Variants in COL4A3 observed in about 807,000 individuals in gnomAD.
COL4A3 encodes the protein collagen type IV alpha 3 chain, also known as collagen alpha-3(IV) chain.
A neutral mutation model predicts 217.4 loss-of-function variants in COL4A3; 135 were observed. The ratio of observed to expected loss-of-function variants is 0.62; its 90% CI spans 0.54 to 0.72. The LOEUF is 0.72. COL4A3 is among the 30% of genes least tolerant of loss of function. COL4A3 has a pLI of 0.00. For synonymous variants in COL4A3, 690 were observed against 736.3 expected (o/e 0.94, Z 1.02); for missense variants, 1,868 against 2,119.9 (o/e 0.88, Z 2.33).
At chr2:227,173,893 A>C (rs992096920) in intron 1 of COL4A3, among the ~76,000 whole-genome samples, 2 of 152,224 alleles carry the variant, frequency 1.3e-5, no homozygotes, top group African/African-American at 2.4e-5. Context: ...ATTTTCAAGC[A>C]TCTATAGCCA....
chr2:227,221,113 G>T (rs1244269521), intron 1 of COL4A3: 2 of 152,156 alleles, frequency 1.3e-5, no homozygotes, highest in East Asian at 3.9e-4. Flanking sequence ...GTTTTACCTT[G>T]TCCAGCACAA....
In COL4A3 at chr2:227,253,486, A is replaced by AC. The variant is rs769180372; in HGVS notation, c.688-73dup. On this transcript the variant is annotated intron_variant, in intron 12 of 51. Transcript: ENST00000396578. This position sits in a 1 kb window ranked among gnomAD's most constrained non-coding sequence, Gnocchi z 4.4. ...TATAAGCACTAAAGGGGAAAAGTAG[A>AC]CCTTTCAAACGTAGTAACATTGAAA... The AC allele has an allele frequency of 4.2e-5, 60 of 1,432,312 alleles. No individual in the cohort carries two copies. Among genetic ancestry groups the AC allele is most frequent in the Non-Finnish European group, 5.6e-5 (57 of 1,014,394 alleles). The allele number at this position is 1,432,312 out of a possible 1,614,324, so 88.7% of individuals were successfully genotyped here.
chr2:227,213,906 A>AG (rs1464950674), intron 1 of COL4A3, among the ~76,000 whole-genome samples: 1 of 140,428 alleles, frequency 7.1e-6, no homozygotes, highest in Non-Finnish European at 1.5e-5. Context: ...TGTCTCAAAA[A>AG]AAAAAAAAAA....
intron 44 of COL4A3, 124 bp downstream of exon 44, chr2:227,303,234 G>A: frequency 1.3e-6 from 1 of 777,796 alleles, no homozygotes; most frequent in Admixed American, 2.0e-5. Context: ...CTCAATACGA[G>A]TGAAGTAGGA....
chr2:227,211,598 G>A (rs1198045406), intron 1 of COL4A3, among the ~76,000 whole-genome samples: 2 of 152,084 alleles, frequency 1.3e-5, no homozygotes, highest in African/African-American at 4.8e-5. Flanking sequence ...GAGGACATAG[G>A]CATTCTGGTT....
At chr2:227,202,322 C>A (rs1650876884) in intron 1 of COL4A3, among the ~76,000 whole-genome samples, 1 of 152,176 alleles carries the variant, frequency 6.6e-6, no homozygotes, top group African/African-American at 2.4e-5. Context: ...TTCTTCCTAA[C>A]AAATGTTACC....
At position 227,307,770 on chromosome 2, in the gene COL4A3, C is replaced by T. The variant is rs930028848; in HGVS notation, c.4313C>T (p.Pro1438Leu). The change falls in exon 48 of 52, where the codon CCT becomes CTT. Residue 1438 changes from proline (P) to leucine (L), a missense_variant. Physicochemically the swap from Pro to Leu is moderately conservative, Grantham distance 98 (BLOSUM62 -3). Around this residue, in one of 2 missense-constraint regions of COL4A3, gnomAD observed 1,503 missense variants for 1,786.1 expected, o/e 0.84. Transcript: ENST00000396578. ...GGAAAACGTGGAGACAGTGGATCAC[C>T]TGCAACCTGGACAACGAGAGGCTTT... ...LKGKRGDSGS[P>L]ATWTTRGFVF... 1.9e-6 allele frequency: 3 copies of T among 1,614,078 alleles called. No homozygotes were observed. The African/African-American group carries it at 4.0e-5, about 22-fold the overall frequency.
chr2:227,265,129 G>A (rs572896140), intron 21 of COL4A3: 2 of 152,306 alleles, frequency 1.3e-5, no homozygotes, highest in East Asian at 3.9e-4. Flanking sequence ...TATGTAGCAT[G>A]GGGAACACTG....
rs770692743 is a variant in COL4A3, at chr2:227,253,670, C to T, written c.765+32C>T. 5.1e-6 allele frequency: 8 copies of T among 1,563,298 alleles called. No homozygotes were observed. Among genetic ancestry groups the T allele is most frequent in the Non-Finnish European group, 5.3e-6 (6 of 1,133,814 alleles). ...CTGCGATTTTATGATTAGTGTTGTG[C>T]CTTCCCGTGTCTAGGATGAAGTCCT... On this transcript the variant is annotated intron_variant, in intron 13 of 51. Coordinates refer to ENST00000396578, the MANE Select transcript of COL4A3 (RefSeq NM_000091.5). This position sits in a 1 kb window ranked among gnomAD's most constrained non-coding sequence, Gnocchi z 4.4.
chr2:227,283,643 T>C (rs1330043232), intron 32 of COL4A3, 124 bp from the exon 33 acceptor site: 38 of 810,878 alleles, frequency 4.7e-5, no homozygotes, highest in Middle Eastern at 2.4e-4. Flanking sequence ...TTGTACTATG[T>C]ACAGAGGCCA....
chr2:227,222,973 C>T (rs2141831), intron 1 of COL4A3, among the ~76,000 whole-genome samples: 76,898 of 152,040 alleles, frequency 0.51, 20,204 homozygotes, highest in Non-Finnish European at 0.59. Flanking sequence ...TCATCTAATT[C>T]GGGGAATTTA....
chr2:227,282,360 C>T lies in COL4A3; in HGVS notation c.2489-5C>T, dbSNP rs1351916467. 7 of 1,609,986 alleles carry T rather than the reference C, an allele frequency of 4.3e-6. No homozygotes were observed. Among genetic ancestry groups the T allele is most frequent in the African/African-American group, 2.7e-5 (2 of 73,920 alleles). ...TAATTAATTCATTCATTTATTCGTACACAGGCAGAAGAGGTAAAACGGGGC... is the reference window on the plus strand; with the variant it reads ...TAATTAATTCATTCATTTATTCGTATACAGGCAGAAGAGGTAAAACGGGGC... On this transcript the variant is annotated splice_region_variant and splice_polypyrimidine_tract_variant and intron_variant, in intron 31 of 51. Transcript: ENST00000396578. This position sits in a 1 kb window ranked among gnomAD's most constrained non-coding sequence, Gnocchi z 4.4.
intron 26 of COL4A3, among the ~76,000 whole-genome samples, chr2:227,275,012 G>A (rs2071471978): frequency 6.6e-6 from 1 of 152,246 alleles, no homozygotes; most frequent in Non-Finnish European, 1.5e-5. Flanking sequence ...TTGGAACACA[G>A]CTGCACTCCT....
chr2:227,253,240 G>A lies in COL4A3; in HGVS notation c.646-56G>A. On this transcript the variant is annotated intron_variant, in intron 11 of 51. Transcript: ENST00000396578. This position sits in a 1 kb window ranked among gnomAD's most constrained non-coding sequence, Gnocchi z 4.4. ...AAATATTGGAACTTTGATGGGTTTA[G>A]ACTATTTATTCATATTTATTTTTAG... is the stretch of plus-strand genomic sequence containing the variant. 1 of 1,432,004 alleles carries A rather than the reference G, an allele frequency of 7.0e-7. No individual in the cohort carries two copies. The highest frequency in any genetic ancestry group is 1.7e-5 in the Admixed American group (1 of 59,670). The allele number at this position is 1,432,004 out of a possible 1,614,324, so 88.7% of individuals were successfully genotyped here.
At chr2:227,260,149 G>A (rs2070460589) in intron 19 of COL4A3, 2 of 602,530 alleles carry the variant, frequency 3.3e-6, no homozygotes, top group Non-Finnish European at 6.2e-6. Flanking sequence ...GCAGGAGGAG[G>A]GAGTGCAAGG....
rs536558674 is a variant in COL4A3, at chr2:227,188,741, A to G, written c.87+23928A>G. On this transcript the variant is annotated intron_variant, in intron 1 of 51. Transcript: ENST00000396578. Reference sequence around the variant, plus strand: ...TATGGTATTATGTGTTGGGCTTGCCATATCATTTCCTAATTCATTAACTCA... The same window carrying G: ...TATGGTATTATGTGTTGGGCTTGCCGTATCATTTCCTAATTCATTAACTCA... 9.2e-5 allele frequency among the ~76,000 whole-genome samples: 14 copies of G among 152,344 alleles called. No homozygotes were observed. In the South Asian group the frequency reaches 1.9e-3, roughly 20 times the overall value.
In COL4A3 at chr2:227,184,437, T is replaced by A. The variant is rs541939213; in HGVS notation, c.87+19624T>A. Reference sequence around the variant, plus strand: ...ATGATAACTATTGAAATATCAGTCCTTCTTGGGTGACCTTGAGTGCCAGCT... The same window carrying A: ...ATGATAACTATTGAAATATCAGTCCATCTTGGGTGACCTTGAGTGCCAGCT... On this transcript the variant is annotated intron_variant, in intron 1 of 51. Coordinates refer to ENST00000396578, the MANE Select transcript of COL4A3 (RefSeq NM_000091.5). Among the ~76,000 whole-genome samples, 15 of 152,346 alleles carry A rather than the reference T, an allele frequency of 9.8e-5. No individual in the cohort carries two copies. The South Asian group carries it at 3.1e-3, about 32-fold the overall frequency.
At chr2:227,218,558 A>G (rs936297775) in intron 1 of COL4A3, among the ~76,000 whole-genome samples, 2 of 152,194 alleles carry the variant, frequency 1.3e-5, no homozygotes, top group Admixed American at 1.3e-4. Context: ...AAACTAATTT[A>G]AATGCACTTT....
In COL4A3 at chr2:227,191,629, T is replaced by C. The variant is rs1051541528; in HGVS notation, c.87+26816T>C. Among the ~76,000 whole-genome samples the C allele has an allele frequency of 1.3e-5, 2 of 152,190 alleles. No individual in the cohort carries two copies. The highest frequency in any genetic ancestry group is 2.9e-5 in the Non-Finnish European group (2 of 68,030). ...ATTTCAAAGTCGGCCAAATAACTCATCTTGGAGACAGATGTAGCTGAAGTT... is the reference window on the plus strand; with the variant it reads ...ATTTCAAAGTCGGCCAAATAACTCACCTTGGAGACAGATGTAGCTGAAGTT... On this transcript the variant is annotated intron_variant, in intron 1 of 51. Transcript: ENST00000396578. The surrounding 1 kb of genome is among the most constrained non-coding windows in gnomAD (Gnocchi z 6.8).
Sources: allele counts gnomAD v4.1 joint callset (sites outside exome capture counted in the v4.1 genomes callset), GRCh38; gene constraint gnomAD v4.1.1; regional missense constraint gnomAD v4.1.1; non-coding constraint Gnocchi (gnomAD v3.1); transcripts MANE v1.5; gene names NCBI Gene and HGNC (gene_info 2026-07-23, HGNC 2026-07-21).